ENTREP2: variants seen among roughly 807,000 people sequenced by gnomAD.
ENTREP2 encodes the protein protein ENTREP2.
At chr15:29,246,973 GCACACACACA>G in the ENTREP2 span, among the ~76,000 whole-genome samples, 123 of 137,090 alleles carry the variant, frequency 9.0e-4, no homozygotes, top group African/African-American at 2.3e-3. Flanking sequence ...GACTGGAAAG[GCACACACACA>G]CACACACACA....
chr15:29,507,983 T>C, the ENTREP2 span, among the ~76,000 whole-genome samples: 6 of 151,506 alleles, frequency 4.0e-5, no homozygotes, highest in African/African-American at 1.4e-4. Flanking sequence ...TTGAAAAGAT[T>C]AATAAAATAG....
the ENTREP2 span, among the ~76,000 whole-genome samples, chr15:29,379,333 G>T: frequency 6.6e-6 from 1 of 152,312 alleles, no homozygotes; most frequent in African/African-American, 2.4e-5. Context: ...CAGGGGCCAG[G>T]GTAGCCTTGC....
At chr15:29,549,625 T>C in the ENTREP2 span, among the ~76,000 whole-genome samples, 2 of 152,188 alleles carry the variant, frequency 1.3e-5, no homozygotes, top group African/African-American at 4.8e-5. Context: ...AGTGCTGTTG[T>C]TGGGGCAAAA....
chr15:29,224,987 G>GC, the ENTREP2 span, among the ~76,000 whole-genome samples: 1 of 152,184 alleles, frequency 6.6e-6, no homozygotes, highest in South Asian at 2.1e-4. Flanking sequence ...GCAGCTACTG[G>GC]CCCACATGCT....
chr15:29,229,920 G>C, the ENTREP2 span, among the ~76,000 whole-genome samples: 50,257 of 151,622 alleles, frequency 0.33, 9,690 homozygotes, highest in East Asian at 0.6. Context: ...CCATCTGTGA[G>C]ATTTCTCCAT....
chr15:29,171,006 G>A, the ENTREP2 span, among the ~76,000 whole-genome samples: 11 of 152,220 alleles, frequency 7.2e-5, no homozygotes, highest in African/African-American at 2.4e-4. Flanking sequence ...GTGAAAGGCA[G>A]AAAGCTGAAG....
chr15:29,495,481 T>C, the ENTREP2 span, among the ~76,000 whole-genome samples: 3 of 152,208 alleles, frequency 2.0e-5, no homozygotes, highest in Admixed American at 6.5e-5. Context: ...TCCATCTTAT[T>C]GAGCTTTCTA....
At chr15:29,461,482 A>T in the ENTREP2 span, among the ~76,000 whole-genome samples, 114 of 152,054 alleles carry the variant, frequency 7.5e-4, no homozygotes, top group African/African-American at 2.6e-3. Flanking sequence ...CCAGTTTTTT[A>T]TTTTTTTATC....
chr15:29,145,532 A>C, the ENTREP2 span, among the ~76,000 whole-genome samples: 27 of 147,560 alleles, frequency 1.8e-4, no homozygotes, highest in Non-Finnish European at 3.7e-4. Flanking sequence ...CTAAGGCAGG[A>C]GAATGGCGTG....
chr15:29,280,362 T>A, the ENTREP2 span, among the ~76,000 whole-genome samples: 2 of 152,184 alleles, frequency 1.3e-5, no homozygotes. Context: ...TTGCATGATA[T>A]GCTTTGGCTG....
At chr15:29,191,504 GA>G in the ENTREP2 span, among the ~76,000 whole-genome samples, 31 of 151,882 alleles carry the variant, frequency 2.0e-4, no homozygotes, top group African/African-American at 7.5e-4. Flanking sequence ...AGGGCTCATG[GA>G]AAAAAAAGAC....
the ENTREP2 span, among the ~76,000 whole-genome samples, chr15:29,574,777 A>G: frequency 6.6e-6 from 1 of 152,160 alleles, no homozygotes; most frequent in Admixed American, 6.5e-5. Context: ...ATGAGAAAGA[A>G]TCTAGACCCT....
the ENTREP2 span, among the ~76,000 whole-genome samples, chr15:29,251,264 T>A: frequency 1.3e-5 from 2 of 152,204 alleles, no homozygotes; most frequent in Non-Finnish European, 2.9e-5. Context: ...CATGTCCCCA[T>A]ACCCAGGGAA....
the ENTREP2 span, among the ~76,000 whole-genome samples, chr15:29,335,932 G>A: frequency 6.6e-6 from 1 of 151,964 alleles, no homozygotes; most frequent in Non-Finnish European, 1.5e-5. Context: ...ACAACGTCAG[G>A]AGATTGAGAC....
At chr15:29,503,735 T>A in the ENTREP2 span, among the ~76,000 whole-genome samples, 1 of 152,216 alleles carries the variant, frequency 6.6e-6, no homozygotes, top group Non-Finnish European at 1.5e-5. Context: ...AGACAATTAA[T>A]GAATATGCAG....
At chr15:29,626,654 G>A in the ENTREP2 span, among the ~76,000 whole-genome samples, 1 of 152,088 alleles carries the variant, frequency 6.6e-6, no homozygotes, top group African/African-American at 2.4e-5. Context: ...TCCTTTTTGA[G>A]CTGTATGCTT....
the ENTREP2 span, among the ~76,000 whole-genome samples, chr15:29,441,050 G>C: frequency 6.6e-6 from 1 of 152,212 alleles, no homozygotes; most frequent in Non-Finnish European, 1.5e-5. Flanking sequence ...ATAGTGAAAA[G>C]GTGGAGGCAA....
the ENTREP2 span, among the ~76,000 whole-genome samples, chr15:29,464,658 T>G: frequency 6.6e-6 from 1 of 152,174 alleles, no homozygotes; most frequent in Non-Finnish European, 1.5e-5. Context: ...TGAGGGCCTT[T>G]ATTTCAGCAA....
At chr15:29,402,292 TTGTGTGTGTGTG>T in the ENTREP2 span, among the ~76,000 whole-genome samples, 4 of 131,698 alleles carry the variant, frequency 3.0e-5, no homozygotes, top group Admixed American at 3.2e-4. Flanking sequence ...GTATATTGTA[TTGTGTGTGTGTG>T]TGTGTGTGTG....
Sources: gnomAD v4.1 joint callset for allele counts (sites outside exome capture counted in the v4.1 genomes callset) on GRCh38, gnomAD v4.1.1 for gene constraint, MANE v1.5 for transcripts, NCBI Gene and HGNC (gene_info 2026-07-23, HGNC 2026-07-21) for gene names.